The following TRABD2B variants were observed in gnomAD, a reference collection of about 807,000 sequenced individuals.
TRABD2B encodes metalloprotease TIKI2.
In TRABD2B, 14 loss-of-function variants were observed where a neutral mutation model predicts 40.1. The ratio of observed to expected loss-of-function variants is 0.35; its 90% CI spans 0.23 to 0.55. The LOEUF (loss-of-function observed/expected upper bound fraction) is 0.55. Ranked by LOEUF, TRABD2B falls within the 20% of genes least tolerant of loss-of-function variation. The pLI is 0.90. For synonymous variants in TRABD2B, 263 were observed against 277.0 expected (o/e 0.95, Z 0.50); for missense variants, 541 against 648.6 (o/e 0.83, Z 1.80).
intron 2 of TRABD2B, among the ~76,000 whole-genome samples, chr1:47,940,128 C>A (rs1645166463): frequency 6.6e-6 from 1 of 152,354 alleles, no homozygotes; most frequent in South Asian, 2.1e-4. Context: ...CTTGCTTACA[C>A]CGTCTGCTCC....
chr1:47,815,115 T>C (rs1645013791), intron 2 of TRABD2B, among the ~76,000 whole-genome samples: 1 of 152,136 alleles, frequency 6.6e-6, no homozygotes, highest in Non-Finnish European at 1.5e-5. Flanking sequence ...TCTCCTATGC[T>C]CCCTTATCCC....
chr1:47,767,009 T>G (rs1342935714), intron 6 of TRABD2B, among the ~76,000 whole-genome samples: 2 of 151,996 alleles, frequency 1.3e-5, no homozygotes, highest in African/African-American at 4.8e-5. Flanking sequence ...CAGGGGGTAC[T>G]CAGGGCCAGG....
At chr1:47,915,399 T>C (rs1644817324) in intron 2 of TRABD2B, among the ~76,000 whole-genome samples, 1 of 152,176 alleles carries the variant, frequency 6.6e-6, no homozygotes, top group South Asian at 2.1e-4. Context: ...CACGGGGACT[T>C]ACACTTAACA....
In TRABD2B at chr1:47,996,719, G is replaced by A; in HGVS notation, c.71C>T (p.Pro24Leu). The change falls in exon 1 of 7, where the codon CCG (proline) becomes CTG (leucine). Residue 24 changes from proline to leucine, a missense_variant. Physicochemically the swap from Pro to Leu is moderately conservative, Grantham distance 98. This residue lies in a region of TRABD2B where 369 missense variants were observed against 492.8 expected (regional missense o/e 0.75). Coordinates refer to ENST00000606738, the MANE Select transcript of TRABD2B (RefSeq NM_001194986.2). This position sits in a 1 kb window ranked among gnomAD's most constrained non-coding sequence, Gnocchi z 4.6. The stretch of plus-strand genomic sequence containing the variant: ...GGGCGGCCGGCACTGTCCTCCGTCC[G>A]GGGGCTGCGGGCGGGCGCGAGCGGT... ...LATARARPQP[P>L]DGGQCRPPGS... 2.4e-6 allele frequency: 3 copies of A among 1,227,290 alleles called. No homozygotes were observed. The highest frequency in any genetic ancestry group is 3.0e-6 in the Non-Finnish European group (3 of 984,148). The allele number at this position is 1,227,290 out of a possible 1,614,324, so 76.0% of individuals were successfully genotyped here. A position where few individuals can be genotyped will look rare whatever the true frequency, so the allele number is the denominator to read the frequency against.
intron 2 of TRABD2B, among the ~76,000 whole-genome samples, chr1:47,942,005 T>C (rs1645195243): frequency 6.6e-6 from 1 of 152,214 alleles, no homozygotes; most frequent in South Asian, 2.1e-4. Context: ...TTAACTTAGC[T>C]TTGCCTGGTG....
intron 2 of TRABD2B, among the ~76,000 whole-genome samples, chr1:47,904,629 G>T (rs971026017): frequency 6.6e-5 from 10 of 152,096 alleles, no homozygotes; most frequent in Non-Finnish European, 1.2e-4. Context: ...CTTCACAACA[G>T]GATCATGCAC....
At chr1:47,822,221 G>A (rs1379119567) in intron 2 of TRABD2B, among the ~76,000 whole-genome samples, 4 of 151,988 alleles carry the variant, frequency 2.6e-5, no homozygotes, top group African/African-American at 9.7e-5. Flanking sequence ...AGGCCTGACC[G>A]ATCCACTACA....
At chr1:47,888,068 C>G (rs1427744626) in intron 2 of TRABD2B, among the ~76,000 whole-genome samples, 1 of 152,176 alleles carries the variant, frequency 6.6e-6, no homozygotes, top group Non-Finnish European at 1.5e-5. Flanking sequence ...TATTATTGAA[C>G]GGGGGCTTGC....
At chr1:47,771,913 G>A (rs1319957870) in intron 6 of TRABD2B, among the ~76,000 whole-genome samples, 3 of 152,162 alleles carry the variant, frequency 2.0e-5, no homozygotes, top group Admixed American at 6.5e-5. Flanking sequence ...CACTCCAGGC[G>A]CGTCCCTGGC....
chr1:47,997,144 C>T lies in TRABD2B; in HGVS notation c.-355G>A. ...GGGGTTCCTGGGGCAGAACCGAGAA[C>T]CCGGGGTGCGCAAGGGTCCCGGGGT... On this transcript the variant is annotated 5_prime_UTR_variant, in exon 1 of 7. Transcript: ENST00000606738. 1.0e-6 allele frequency: 1 copy of T among 983,678 alleles called. No individual in the cohort carries two copies. Among genetic ancestry groups the T allele is most frequent in the Non-Finnish European group, 1.2e-6 (1 of 829,254 alleles). The allele number at this position is 983,678 out of a possible 1,614,324, so 60.9% of individuals were successfully genotyped here. A position where few individuals can be genotyped will look rare whatever the true frequency, so the allele number is the denominator to read the frequency against.
chr1:47,839,034 T>C (rs908018557), intron 2 of TRABD2B, among the ~76,000 whole-genome samples: 2 of 152,184 alleles, frequency 1.3e-5, no homozygotes, highest in Non-Finnish European at 2.9e-5. Flanking sequence ...TCAGTCCTGG[T>C]CCCCATCTGC....
intron 2 of TRABD2B, among the ~76,000 whole-genome samples, chr1:47,879,906 C>T (rs187543504): frequency 2.0e-5 from 3 of 152,346 alleles, no homozygotes; most frequent in South Asian, 2.1e-4. Context: ...TGACCCCTCT[C>T]GTGCTTTCTC....
chr1:47,989,749 AACACAC>A (rs141660023), intron 2 of TRABD2B, among the ~76,000 whole-genome samples: 8 of 149,018 alleles, frequency 5.4e-5, no homozygotes, highest in South Asian at 4.3e-4. Context: ...CCACCATTCC[AACACAC>A]ACACACACAC....
chr1:47,864,359 C>A (rs1644023254), intron 2 of TRABD2B, among the ~76,000 whole-genome samples: 1 of 151,976 alleles, frequency 6.6e-6, no homozygotes, highest in South Asian at 2.1e-4. Flanking sequence ...AAATGAACCA[C>A]CCTGGTGGGA....
At chr1:47,965,245 G>C (rs1352179839) in intron 2 of TRABD2B, among the ~76,000 whole-genome samples, 1 of 133,380 alleles carries the variant, frequency 7.5e-6, no homozygotes, top group Non-Finnish European at 1.6e-5. Flanking sequence ...ATGGGGAGGT[G>C]GGGGGAAAGT....
chr1:47,955,156 G>A (rs962936330), intron 2 of TRABD2B, among the ~76,000 whole-genome samples: 33 of 152,112 alleles, frequency 2.2e-4, no homozygotes, highest in Non-Finnish European at 4.3e-4. Context: ...TAAGCCCTAG[G>A]GCTTTTTCCT....
intron 2 of TRABD2B, among the ~76,000 whole-genome samples, chr1:47,809,709 C>T (rs1054491506): frequency 6.6e-6 from 1 of 152,236 alleles, no homozygotes; most frequent in African/African-American, 2.4e-5. Context: ...GTCTCCTAGG[C>T]CTCCAGCACT....
intron 2 of TRABD2B, among the ~76,000 whole-genome samples, chr1:47,812,337 T>TG (rs1644976376): frequency 6.6e-6 from 1 of 152,090 alleles, no homozygotes; most frequent in Non-Finnish European, 1.5e-5. Flanking sequence ...ACACAGAGGT[T>TG]GGGGGCCTCA....
At chr1:47,820,748 T>C (rs1645095339) in intron 2 of TRABD2B, among the ~76,000 whole-genome samples, 1 of 150,640 alleles carries the variant, frequency 6.6e-6, no homozygotes, top group Non-Finnish European at 1.5e-5. Context: ...AGGCAACAGA[T>C]ACCATTTATT....
Sources: gnomAD v4.1 joint callset for allele counts (sites outside exome capture counted in the v4.1 genomes callset) on GRCh38, gnomAD v4.1.1 for gene constraint, gnomAD v4.1.1 regional missense constraint, Gnocchi (gnomAD v3.1) non-coding constraint, MANE v1.5 for transcripts, NCBI Gene and HGNC (gene_info 2026-07-23, HGNC 2026-07-21) for gene names.